Variants in TTLL11 observed in about 807,000 individuals in gnomAD.
TTLL11 encodes the protein tubulin tyrosine ligase like 11.
A neutral mutation model predicts 51.7 loss-of-function variants in TTLL11; 42 were observed. The ratio of observed to expected loss-of-function variants is 0.81; its 90% CI spans 0.64 to 1.05. The LOEUF is 1.05. Ranked by LOEUF, TTLL11 falls within the 50% of genes least tolerant of loss-of-function variation. The pLI is 0.00. For missense variants in TTLL11, 799 were observed against 940.4 expected, an observed-to-expected ratio of 0.85 and a Z score of 1.97; for synonymous variants, 381 against 383.5, an observed-to-expected ratio of 0.99 and a Z score of 0.08.
intron 8 of TTLL11, among the ~76,000 whole-genome samples, chr9:121,848,476 A>T (rs560533963): frequency 6.6e-6 from 1 of 152,210 alleles, no homozygotes; most frequent in African/African-American, 2.4e-5. Context: ...TTCTGTGTTC[A>T]GTGGATTGTC....
intron 4 of TTLL11, among the ~76,000 whole-genome samples, chr9:121,987,523 C>A (rs1588178915): frequency 1.3e-5 from 2 of 152,156 alleles, no homozygotes; most frequent in Non-Finnish European, 2.9e-5. Context: ...CACACTCTGG[C>A]TGAGTCCACC....
chr9:122,091,135 G>C (rs191365832), intron 1 of TTLL11, among the ~76,000 whole-genome samples: 160 of 152,196 alleles, frequency 1.1e-3, no homozygotes, highest in African/African-American at 3.6e-3. Flanking sequence ...CCATCTCTCC[G>C]AGCAAACGAG....
intron 1 of TTLL11, among the ~76,000 whole-genome samples, chr9:122,066,962 C>A (rs1383208626): frequency 6.6e-6 from 1 of 152,184 alleles, no homozygotes; most frequent in African/African-American, 2.4e-5. Context: ...AACTCACTCA[C>A]TATCATGAGA....
intron 1 of TTLL11, among the ~76,000 whole-genome samples, chr9:122,068,926 T>A (rs934425840): frequency 5.3e-5 from 8 of 151,964 alleles, no homozygotes; most frequent in African/African-American, 1.7e-4. Context: ...GCTGCCTGGG[T>A]GTGGGTGATG....
intron 6 of TTLL11, among the ~76,000 whole-genome samples, chr9:121,887,157 A>G (rs1032131294): frequency 6.6e-6 from 1 of 152,214 alleles, no homozygotes; most frequent in Non-Finnish European, 1.5e-5. Context: ...CAGCCATGAC[A>G]TGTTCACTGA....
intron 6 of TTLL11, among the ~76,000 whole-genome samples, chr9:121,909,868 G>A (rs1382635853): frequency 6.6e-6 from 1 of 152,134 alleles, no homozygotes; most frequent in Non-Finnish European, 1.5e-5. Context: ...TGGCAGGTAA[G>A]AAGAGAGGAA....
At chr9:121,942,940 G>A (rs1178541403) in intron 6 of TTLL11, among the ~76,000 whole-genome samples, 3 of 152,132 alleles carry the variant, frequency 2.0e-5, no homozygotes, top group African/African-American at 7.2e-5. Flanking sequence ...GCTGTTCGCT[G>A]TTCCCACGCC....
intron 8 of TTLL11, among the ~76,000 whole-genome samples, chr9:121,846,066 T>C (rs1032605969): frequency 2.4e-5 from 2 of 82,266 alleles, no homozygotes; most frequent in Admixed American, 1.8e-4. Flanking sequence ...AAAAAAAAGA[T>C]AGATAAAAAA....
At chr9:121,941,823 G>T (rs150012926) in intron 6 of TTLL11, among the ~76,000 whole-genome samples, 1 of 152,020 alleles carries the variant, frequency 6.6e-6, no homozygotes, top group Non-Finnish European at 1.5e-5. Context: ...CTGCCCAGTC[G>T]CTCAGGCCAA....
chr9:121,957,199 G>C (rs1009004269), intron 6 of TTLL11, among the ~76,000 whole-genome samples: 7 of 152,018 alleles, frequency 4.6e-5, no homozygotes, highest in African/African-American at 1.7e-4. Flanking sequence ...AAACCGGCTA[G>C]CCAGTCTGAA....
chr9:121,858,132 C>T (rs1347971433), intron 8 of TTLL11, among the ~76,000 whole-genome samples: 2 of 152,246 alleles, frequency 1.3e-5, no homozygotes, highest in East Asian at 1.9e-4. Context: ...CTCCATCTCA[C>T]GCCTCTCCTG....
chr9:121,959,327 T>C (rs1842135514), intron 6 of TTLL11, among the ~76,000 whole-genome samples: 1 of 152,166 alleles, frequency 6.6e-6, no homozygotes, highest in Non-Finnish European at 1.5e-5. Flanking sequence ...GTGGAGCAAT[T>C]ATTGTTGTAA....
chr9:121,837,218 A>G (rs1837205202), intron 8 of TTLL11, among the ~76,000 whole-genome samples: 1 of 148,704 alleles, frequency 6.7e-6, no homozygotes, highest in Non-Finnish European at 1.5e-5. Flanking sequence ...TCTTTTTTTG[A>G]TATTGTGAAT....
intron 6 of TTLL11, among the ~76,000 whole-genome samples, chr9:121,911,043 A>G (rs1041435870): frequency 3.3e-5 from 5 of 152,176 alleles, no homozygotes; most frequent in Non-Finnish European, 7.3e-5. Context: ...GTCACATACT[A>G]TATTTGAATA....
chr9:122,012,043 T>A (rs1843806266), intron 3 of TTLL11, among the ~76,000 whole-genome samples: 1 of 152,212 alleles, frequency 6.6e-6, no homozygotes, highest in African/African-American at 2.4e-5. Flanking sequence ...ATCTCTACTT[T>A]GCTTTGCCTT....
rs144583389 is a variant in TTLL11 at position 121,899,618 on chromosome 9, G to C, written c.1482-28870C>G. Among the ~76,000 whole-genome samples the C allele has an allele frequency of 6.1e-3, 929 of 151,938 alleles. 10 individuals carry two copies. The highest frequency in any genetic ancestry group is 0.021 in the African/African-American group (884 of 41,418). On this transcript the variant is annotated intron_variant, in intron 6 of 8. Coordinates refer to ENST00000321582, the MANE Select transcript of TTLL11 (RefSeq NM_001139442.2). ...AGGGTCTTGCTATGTTGCCCAGGCTGGTCTTGAACTCCTGGCCTCAAGCAA... is the reference window on the plus strand; with the variant it reads ...AGGGTCTTGCTATGTTGCCCAGGCTCGTCTTGAACTCCTGGCCTCAAGCAA...
chr9:121,979,240 C>T (rs555393794), intron 4 of TTLL11, among the ~76,000 whole-genome samples: 60 of 152,120 alleles, frequency 3.9e-4, no homozygotes, highest in Non-Finnish European at 7.9e-4. Context: ...TGCCAACAGC[C>T]ATGGGAGTGG....
intron 6 of TTLL11, among the ~76,000 whole-genome samples, chr9:121,968,805 G>T (rs1057473933): frequency 6.6e-6 from 1 of 151,250 alleles, no homozygotes; most frequent in Non-Finnish European, 1.5e-5. Flanking sequence ...GTGATCTGCT[G>T]TTGAGTGGTA....
intron 6 of TTLL11, among the ~76,000 whole-genome samples, chr9:121,919,764 C>T (rs1351453948): frequency 6.7e-6 from 1 of 148,726 alleles, no homozygotes; most frequent in Non-Finnish European, 1.5e-5. Flanking sequence ...GTAATCCCAG[C>T]ATCTTGGGAG....
Sources: allele counts gnomAD v4.1 joint callset (sites outside exome capture counted in the v4.1 genomes callset), GRCh38; gene constraint gnomAD v4.1.1; transcripts MANE v1.5; gene names NCBI Gene and HGNC (gene_info 2026-07-23, HGNC 2026-07-21).